The following ADAM2 variants were observed in gnomAD, a reference collection of about 807,000 sequenced individuals.
ADAM2 encodes ADAM metallopeptidase domain 2.
A neutral mutation model predicts 99.3 loss-of-function variants in ADAM2; 101 were observed. The ratio of observed to expected loss-of-function variants is 1.02; its 90% CI spans 0.87 to 1.20. The LOEUF is 1.20. Ranked by LOEUF, ADAM2 falls within the 50% of genes most tolerant of loss-of-function variation. The probability of loss-of-function intolerance (pLI) is 0.00; values close to 1 mark genes in which losing one functional copy is unlikely to be tolerated. For missense variants in ADAM2, 948 were observed against 878.7 expected, an observed-to-expected ratio of 1.08 and a Z score of -1.00; for synonymous variants, 323 against 287.6, an observed-to-expected ratio of 1.12 and a Z score of -1.25.
chr8:39,755,249 G>A (rs560849005), intron 16 of ADAM2, among the ~76,000 whole-genome samples: 3 of 152,216 alleles, frequency 2.0e-5, no homozygotes, highest in East Asian at 1.9e-4. Flanking sequence ...AATAACCAGC[G>A]AAATAGTCAT....
At chr8:39,829,686 C>T (rs1344701261) in intron 3 of ADAM2, among the ~76,000 whole-genome samples, 2 of 151,762 alleles carry the variant, frequency 1.3e-5, no homozygotes, top group Non-Finnish European at 2.9e-5. Flanking sequence ...TGTGCATAGG[C>T]CCAAAATAAT....
chr8:39,809,099 C>T (rs1804582716), intron 7 of ADAM2, among the ~76,000 whole-genome samples: 1 of 151,972 alleles, frequency 6.6e-6, no homozygotes, highest in Admixed American at 6.6e-5. Flanking sequence ...TAAATAATAT[C>T]CAAAATGTCA....
At chr8:39,748,138 G>T (rs1001622031) in intron 18 of ADAM2, among the ~76,000 whole-genome samples, 4 of 152,110 alleles carry the variant, frequency 2.6e-5, no homozygotes, top group Admixed American at 2.6e-4. Flanking sequence ...TTCAAATATT[G>T]CTGATAATTT....
chr8:39,798,831 G>A (rs1437314164), intron 7 of ADAM2, among the ~76,000 whole-genome samples: 3 of 152,050 alleles, frequency 2.0e-5, no homozygotes, highest in African/African-American at 7.2e-5. Flanking sequence ...TTTGCATAGA[G>A]GTGTTTATAC....
At chr8:39,836,081 G>C (rs1337230338) in intron 2 of ADAM2, among the ~76,000 whole-genome samples, 1 of 152,030 alleles carries the variant, frequency 6.6e-6, no homozygotes, top group Non-Finnish European at 1.5e-5. Flanking sequence ...TAATGAGCCT[G>C]ATTAGTGCAC....
chr8:39,804,657 T>A (rs1804362596), intron 7 of ADAM2, among the ~76,000 whole-genome samples: 1 of 152,050 alleles, frequency 6.6e-6, no homozygotes, highest in Non-Finnish European at 1.5e-5. Flanking sequence ...CTGGAAGAAA[T>A]AGTTACGTTG....
At chr8:39,769,625 A>G in intron 11 of ADAM2, 50 bp from the exon 12 acceptor site, 1 of 1,290,934 alleles carries the variant, frequency 7.7e-7, no homozygotes, top group Non-Finnish European at 1.1e-6. Flanking sequence ...TCCATAAACT[A>G]CCTACCCTTA....
intron 1 of ADAM2, 51 bp from the exon 2 acceptor site, chr8:39,837,263 C>T (rs747974672): frequency 7.4e-6 from 10 of 1,348,656 alleles, no homozygotes; most frequent in Middle Eastern, 1.8e-4. Flanking sequence ...CATTTCAGAG[C>T]GTGTTTTATG....
At chr8:39,798,272 C>A (rs552640492) in intron 7 of ADAM2, among the ~76,000 whole-genome samples, 13 of 152,128 alleles carry the variant, frequency 8.5e-5, no homozygotes, top group Non-Finnish European at 8.8e-5. Flanking sequence ...TTATCAAAGG[C>A]CTATTCTGCA....
intron 16 of ADAM2, among the ~76,000 whole-genome samples, chr8:39,751,446 G>C (rs1267297007): frequency 6.6e-6 from 1 of 152,070 alleles, no homozygotes; most frequent in African/African-American, 2.4e-5. Context: ...CCCTTTTTCT[G>C]CAATGAAGTG....
At chr8:39,805,933 C>T (rs1804417674) in intron 7 of ADAM2, among the ~76,000 whole-genome samples, 1 of 152,104 alleles carries the variant, frequency 6.6e-6, no homozygotes, top group Non-Finnish European at 1.5e-5. Context: ...CGAAAGCACC[C>T]ATATAGTCAT....
At chr8:39,751,628 T>G (rs115544420) in intron 16 of ADAM2, among the ~76,000 whole-genome samples, 1 of 152,294 alleles carries the variant, frequency 6.6e-6, no homozygotes, top group African/African-American at 2.4e-5. Flanking sequence ...AATTAAAAAT[T>G]ATTTATAACC....
At chr8:39,830,862 G>T (rs1805587423) in intron 3 of ADAM2, among the ~76,000 whole-genome samples, 1 of 152,136 alleles carries the variant, frequency 6.6e-6, no homozygotes, top group African/African-American at 2.4e-5. Flanking sequence ...CCAATGTGAT[G>T]GTTTTAGGAG....
rs1805918158 is a variant in ADAM2, at chr8:39,838,153, G to A, written c.33C>T (p.Leu11=). The change falls in exon 1 of 21, where the codon CTC becomes CTT. Residue 11 remains leucine (L), a synonymous_variant. Coordinates refer to ENST00000265708, the MANE Select transcript of ADAM2 (RefSeq NM_001464.5). MWRVLFLLSG[L]GGLRMDSNFD... Reference sequence around the variant, plus strand: ...TACTACTGTCCATCCGCAGCCCGCCGAGCCCGCTGAGCAGAAACAAGACGC... The same window carrying A: ...TACTACTGTCCATCCGCAGCCCGCCAAGCCCGCTGAGCAGAAACAAGACGC... The A allele has an allele frequency of 1.2e-6, 2 of 1,614,138 alleles. No individual in the cohort carries two copies. The highest frequency in any genetic ancestry group is 1.7e-6 in the Non-Finnish European group (2 of 1,180,020).
At chr8:39,794,546 C>A (rs191279383) in intron 7 of ADAM2, among the ~76,000 whole-genome samples, 1 of 152,086 alleles carries the variant, frequency 6.6e-6, no homozygotes, top group African/African-American at 2.4e-5. Flanking sequence ...AGCCTGGCAC[C>A]GCACCATGGG....
chr8:39,744,890 T>C lies in ADAM2; in HGVS notation c.2178A>G (p.Gln726=), dbSNP rs757023219. The C allele has an allele frequency of 2.5e-6, 4 of 1,600,428 alleles. No homozygotes were observed. In the African/African-American group the frequency reaches 5.4e-5, roughly 22 times the overall value. ...WRTEDYSSDE[Q]PESESEPKG is the part of the protein sequence containing the mutation. ...CTTTAGGTTCACTCTCACTTTCAGG[T>C]TGCCTGCATATTAAAAATAAAAATA... Residue 726 remains glutamine (Q), a synonymous_variant, in exon 20 of 21, where the codon CAA becomes CAG. Transcript: ENST00000265708.
Position 39,746,569 on chromosome 8 carries a change from T to G in ADAM2, c.2077A>C (p.Ile693Leu). Residue 693 changes from isoleucine (I) to leucine (L), a missense_variant, in exon 19 of 21, where the codon ATT (isoleucine) becomes CTT (leucine). Coordinates refer to ENST00000265708, the MANE Select transcript of ADAM2 (RefSeq NM_001464.5). ...KPMRWPFFLFIPFFIIFCVLI... is the reference protein window; with the variant it reads ...KPMRWPFFLFLPFFIIFCVLI... ...ACACAGAAAATAATAAAGAAAGGAA[T>G]GAATAAGAAAAATGGCCATCTCATT... 6.2e-7 allele frequency: 1 copy of G among 1,607,628 alleles called. No individual in the cohort carries two copies. The highest frequency in any genetic ancestry group is 8.5e-7 in the Non-Finnish European group (1 of 1,176,920).
intron 10 of ADAM2, among the ~76,000 whole-genome samples, chr8:39,779,804 CAT>C (rs1379711075): frequency 6.6e-6 from 1 of 152,096 alleles, no homozygotes; most frequent in Non-Finnish European, 1.5e-5. Flanking sequence ...TTTTGCATAA[CAT>C]GTGAGCATTC....
At chr8:39,789,432 C>T (rs780331353) in intron 7 of ADAM2, among the ~76,000 whole-genome samples, 23 of 151,524 alleles carry the variant, frequency 1.5e-4, no homozygotes, top group Admixed American at 1.3e-4. Context: ...TTTTAAGTGC[C>T]CATGGATCAT....
Sources: gnomAD v4.1 joint callset for allele counts (sites outside exome capture counted in the v4.1 genomes callset) on GRCh38, gnomAD v4.1.1 for gene constraint, MANE v1.5 for transcripts, NCBI Gene and HGNC (gene_info 2026-07-23, HGNC 2026-07-21) for gene names.